The following IL1RAPL1 variants were observed in gnomAD, a reference collection of about 807,000 sequenced individuals.
IL1RAPL1 encodes the protein interleukin 1 receptor accessory protein like 1.
In IL1RAPL1, 3 loss-of-function variants were observed where a neutral mutation model predicts 48.4. The ratio of observed to expected loss-of-function variants is 0.06; its 90% CI spans 0.03 to 0.16. The LOEUF (loss-of-function observed/expected upper bound fraction) is 0.16, where lower values mean the gene tolerates loss of function less well. Among genes scored for constraint, IL1RAPL1 ranks in the 10% least tolerant of loss-of-function variants. The pLI is 1.00. For missense variants in IL1RAPL1, 349 were observed against 530.6 expected, an observed-to-expected ratio of 0.66 and a Z score of 3.36; for synonymous variants, 185 against 187.7, an observed-to-expected ratio of 0.99 and a Z score of 0.12.
chrX:29,358,805 G>A, intron 3 of IL1RAPL1, among the ~76,000 whole-genome samples: 1 of 110,581 alleles, frequency 9.0e-6, no homozygotes, highest in Middle Eastern at 4.6e-3. Context: ...GATCATTTGA[G>A]GTCAGGAGTT....
chrX:29,513,183 G>C (rs1438900829), intron 5 of IL1RAPL1, among the ~76,000 whole-genome samples: 14 of 77,747 alleles, frequency 1.8e-4, no homozygotes, highest in Non-Finnish European at 3.1e-4. Context: ...AAAACACAGA[G>C]AGGTGTGAAA....
intron 2 of IL1RAPL1, among the ~76,000 whole-genome samples, chrX:28,921,016 G>A (rs1482599282): frequency 1.8e-5 from 2 of 111,244 alleles, no homozygotes; most frequent in Non-Finnish European, 3.8e-5. Flanking sequence ...TAAGATGCAG[G>A]AGGAGGGAGA....
intron 2 of IL1RAPL1, among the ~76,000 whole-genome samples, chrX:29,116,850 A>G (rs748343085): frequency 1.3e-4 from 15 of 112,027 alleles, no homozygotes; most frequent in African/African-American, 3.9e-4. Context: ...AAGCCCAACA[A>G]GAGTCAGCAC....
intron 1 of IL1RAPL1, among the ~76,000 whole-genome samples, chrX:28,609,668 A>G (rs1045907926): frequency 7.0e-5 from 6 of 85,537 alleles, no homozygotes; most frequent in African/African-American, 2.7e-4. Context: ...CACACAACAT[A>G]CCTACCTCTC....
intron 6 of IL1RAPL1, among the ~76,000 whole-genome samples, chrX:29,851,215 A>G (rs1601851667): frequency 9.0e-6 from 1 of 111,512 alleles, no homozygotes; most frequent in African/African-American, 3.3e-5. Flanking sequence ...TATTTTTAAA[A>G]CCACCAAGGC....
chrX:28,619,126 A>G (rs1934254507), intron 1 of IL1RAPL1, among the ~76,000 whole-genome samples: 1 of 112,215 alleles, frequency 8.9e-6, no homozygotes, highest in African/African-American at 3.2e-5. Context: ...AGATGCAATA[A>G]AAGTTATTTA....
At chrX:29,678,968 G>A (rs1391586690) in intron 6 of IL1RAPL1, among the ~76,000 whole-genome samples, 1 of 111,343 alleles carries the variant, frequency 9.0e-6, no homozygotes, top group Non-Finnish European at 1.9e-5. Context: ...TGAGGCTACC[G>A]ACTTTCTCAC....
intron 5 of IL1RAPL1, among the ~76,000 whole-genome samples, chrX:29,618,823 A>G (rs765716458): frequency 8.9e-4 from 100 of 112,077 alleles, no homozygotes; most frequent in Middle Eastern, 4.6e-3. Context: ...CTATCACACT[A>G]GGTAATGAAG....
intron 2 of IL1RAPL1, among the ~76,000 whole-genome samples, chrX:28,958,343 A>C (rs1924673161): frequency 9.0e-6 from 1 of 111,636 alleles, no homozygotes; most frequent in African/African-American, 3.3e-5. Flanking sequence ...TAGAACATGA[A>C]TTTGAATGGC....
chrX:29,592,151 A>G, intron 5 of IL1RAPL1, among the ~76,000 whole-genome samples: 1 of 112,146 alleles, frequency 8.9e-6, no homozygotes, highest in Non-Finnish European at 1.9e-5. Flanking sequence ...GTTCTTGGGT[A>G]CATCACGTGG....
At chrX:29,550,178 A>ATTCTT (rs201464853) in intron 5 of IL1RAPL1, among the ~76,000 whole-genome samples, 3,363 of 111,054 alleles carry the variant, frequency 0.03, 43 homozygotes, top group Middle Eastern at 0.064. Flanking sequence ...AATTTTAGAA[A>ATTCTT]TTCTTTTCTT....
At chrX:29,163,084 AAAG>A (rs1399214069) in intron 2 of IL1RAPL1, among the ~76,000 whole-genome samples, 7 of 110,236 alleles carry the variant, frequency 6.4e-5, no homozygotes, top group Admixed American at 2.0e-4. Flanking sequence ...AAAAAAAAAA[AAAG>A]AAAGAAAGAA....
chrX:28,898,394 C>G (rs1046292536), intron 2 of IL1RAPL1, among the ~76,000 whole-genome samples: 2 of 111,767 alleles, frequency 1.8e-5, no homozygotes, highest in African/African-American at 6.5e-5. Context: ...ATAGATTTAG[C>G]TCTTACATTG....
chrX:29,382,286 T>TTA (rs773677297), intron 3 of IL1RAPL1, among the ~76,000 whole-genome samples: 137 of 112,247 alleles, frequency 1.2e-3, no homozygotes, highest in South Asian at 3.0e-3. Flanking sequence ...TTTCTTGCTA[T>TTA]TATCATAATG....
chrX:29,373,365 G>A (rs1424605670), intron 3 of IL1RAPL1, among the ~76,000 whole-genome samples: 2 of 112,014 alleles, frequency 1.8e-5, no homozygotes, highest in African/African-American at 6.5e-5. Flanking sequence ...TCAGAAAAGA[G>A]AGAGAGTTTG....
At position 29,110,722 on chromosome X, in the gene IL1RAPL1, A is replaced by G. The variant is rs763697906; in HGVS notation, c.83-172216A>G. Among the ~76,000 whole-genome samples the G allele has an allele frequency of 4.5e-5, 5 of 111,867 alleles. 1 individual carries two copies. In the South Asian group the frequency reaches 1.8e-3, roughly 41 times the overall value. On this transcript the variant is annotated intron_variant, in intron 2 of 10. Coordinates refer to ENST00000378993, the MANE Select transcript of IL1RAPL1 (RefSeq NM_014271.4). ...GAGTGCTGCCGAATGTAACGCACAT[A>G]TGGGACATTATTGTGTAGTTTCTGT...
In IL1RAPL1 at chrX:29,743,299, T is replaced by A. The variant is rs770680239; in HGVS notation, c.778+74795T>A. On this transcript the variant is annotated intron_variant, in intron 6 of 10. Coordinates refer to ENST00000378993, the MANE Select transcript of IL1RAPL1 (RefSeq NM_014271.4). ...ATAATAAATTTATATATAAATCATATCTATACACACAATGCTTTGTCATGT... is the reference window on the plus strand; with the variant it reads ...ATAATAAATTTATATATAAATCATAACTATACACACAATGCTTTGTCATGT... Among the ~76,000 whole-genome samples the A allele has an allele frequency of 1.6e-4, 17 of 107,752 alleles. No individual in the cohort carries two copies. The South Asian group carries it at 6.7e-3, about 42-fold the overall frequency. 93.6% of individuals were successfully genotyped at this position (107,752 alleles called of 115,157 possible).
intron 2 of IL1RAPL1, among the ~76,000 whole-genome samples, chrX:29,261,438 A>G (rs1931858340): frequency 9.0e-6 from 1 of 111,144 alleles, no homozygotes; most frequent in Non-Finnish European, 1.9e-5. Flanking sequence ...CCTTGGAGAC[A>G]TGTTCTTCCT....
At chrX:29,042,712 C>G (rs191132056) in intron 2 of IL1RAPL1, among the ~76,000 whole-genome samples, 67 of 111,631 alleles carry the variant, frequency 6.0e-4, no homozygotes, top group African/African-American at 2.1e-3. Flanking sequence ...TATTACAGAA[C>G]ACACATAAAA....
Sources: allele counts gnomAD v4.1 joint callset (sites outside exome capture counted in the v4.1 genomes callset), GRCh38; gene constraint gnomAD v4.1.1; transcripts MANE v1.5; gene names NCBI Gene and HGNC (gene_info 2026-07-23, HGNC 2026-07-21).